The following DHX9 variants were observed in gnomAD, a reference collection of about 807,000 sequenced individuals.
DHX9 encodes the protein DExH-box helicase 9, also known as ATP-dependent RNA helicase A.
DHX9 carries 27 observed loss-of-function variants against 148.7 expected under a neutral mutation model. The observed-to-expected ratio is 0.18, with a 90% CI of 0.13 to 0.25. DHX9 has a LOEUF of 0.25. Among genes scored for constraint, DHX9 ranks in the 10% least tolerant of loss-of-function variants. The pLI is 1.00. For synonymous variants in DHX9, 529 were observed against 516.6 expected (o/e 1.02, Z -0.33); for missense variants, 796 against 1,559.6 (o/e 0.51, Z 8.25).
intron 3 of DHX9, 97 bp from the exon 4 acceptor site, chr1:182,852,136 G>T: frequency 1.5e-6 from 1 of 654,666 alleles, no homozygotes; most frequent in South Asian, 2.1e-5. Context: ...ACAAAGAAAG[G>T]AGGTATGACA....
chr1:182,857,339 C>A (rs565226560), intron 7 of DHX9, among the ~76,000 whole-genome samples: 1 of 152,222 alleles, frequency 6.6e-6, no homozygotes, highest in Non-Finnish European at 1.5e-5. Context: ...ATGAATGATA[C>A]AGGAGGAGAG....
chr1:182,884,992 T>C (rs1649260284), intron 27 of DHX9, among the ~76,000 whole-genome samples, 179 bp downstream of exon 27: 3 of 152,204 alleles, frequency 2.0e-5, no homozygotes, highest in Non-Finnish European at 4.4e-5. Context: ...ACAAAGAATG[T>C]CATTTACTTT....
chr1:182,861,797 G>A (rs1039326680), intron 12 of DHX9, among the ~76,000 whole-genome samples: 13 of 152,300 alleles, frequency 8.5e-5, no homozygotes, highest in Admixed American at 8.5e-4. Flanking sequence ...TGGCTTGCAT[G>A]TTTTTGTCCT....
chr1:182,867,584 G>A (rs1433322135), intron 14 of DHX9, among the ~76,000 whole-genome samples: 2 of 152,104 alleles, frequency 1.3e-5, no homozygotes, highest in East Asian at 1.9e-4. Flanking sequence ...TGTATTTTCA[G>A]TAAAGACTGG....
chr1:182,868,869 G>C (rs1648419135), intron 14 of DHX9, among the ~76,000 whole-genome samples: 1 of 152,086 alleles, frequency 6.6e-6, no homozygotes, highest in Admixed American at 6.5e-5. Flanking sequence ...AAATAAGACT[G>C]GTTTGGATGG....
intron 19 of DHX9, chr1:182,877,525 G>C (rs1229562862): frequency 6.5e-6 from 1 of 154,382 alleles, no homozygotes; most frequent in African/African-American, 2.4e-5. Context: ...ATAGCATTCT[G>C]TGCCAATCCC....
intron 14 of DHX9, among the ~76,000 whole-genome samples, chr1:182,870,161 AAAAT>A (rs1347678929): frequency 6.6e-6 from 1 of 152,252 alleles, no homozygotes; most frequent in Non-Finnish European, 1.5e-5. Context: ...CTCTCCAAGA[AAAAT>A]AAGTTTTATC....
At chr1:182,878,343 A>G (rs1477933431) in intron 20 of DHX9, among the ~76,000 whole-genome samples, 170 bp downstream of exon 20, 3 of 152,246 alleles carry the variant, frequency 2.0e-5, no homozygotes, top group Non-Finnish European at 4.4e-5. Flanking sequence ...CATTTAGAGA[A>G]TAAGCCAGAT....
chr1:182,878,888 TAGTATG>T lies in DHX9; in HGVS notation c.2352-358_2352-353del, dbSNP rs549830418. ...AAGGTGGGAGGTTGTAGAGAAATGT[TAGTATG>T]AGTTATCATCCTACAAAAAGTCTTG... On this transcript the variant is annotated intron_variant, in intron 20 of 27. Transcript: ENST00000367549. Among the ~76,000 whole-genome samples the T allele has an allele frequency of 1.8e-4, 28 of 152,382 alleles. 2 individuals carry two copies. Among genetic ancestry groups the T allele is most frequent in the African/African-American group, 6.3e-4 (26 of 41,600 alleles).
chr1:182,853,792 C>T (rs1668204560), intron 5 of DHX9, among the ~76,000 whole-genome samples: 1 of 149,934 alleles, frequency 6.7e-6, no homozygotes, highest in African/African-American at 2.5e-5. Context: ...AAGAAGTTGT[C>T]ATTTTTTTTT....
intron 21 of DHX9, among the ~76,000 whole-genome samples, chr1:182,879,870 C>CAT (rs1649010144): frequency 6.6e-6 from 1 of 152,100 alleles, no homozygotes; most frequent in South Asian, 2.1e-4. Context: ...AGACTACAGG[C>CAT]ATACACCACC....
chr1:182,848,860 G>A (rs2102592000), intron 3 of DHX9, among the ~76,000 whole-genome samples: 1 of 152,330 alleles, frequency 6.6e-6, no homozygotes, highest in South Asian at 2.1e-4. Flanking sequence ...GCAGGAGCAA[G>A]AGAAAGTAAA....
chr1:182,876,548 A>G lies in DHX9; in HGVS notation c.2124+7A>G. On this transcript the variant is annotated splice_region_variant and intron_variant, in intron 18 of 27. Transcript: ENST00000367549. Reference sequence around the variant, plus strand: ...ACCAGTTGGAGTAACCAAGGTAAATATTAAACATTAGAGTGATGGGATTGG... The same window carrying G: ...ACCAGTTGGAGTAACCAAGGTAAATGTTAAACATTAGAGTGATGGGATTGG... 3 of 1,605,930 alleles carry G rather than the reference A, an allele frequency of 1.9e-6. No homozygotes were observed. Among genetic ancestry groups the G allele is most frequent in the South Asian group, 1.1e-5 (1 of 90,834 alleles).
At chr1:182,880,120 T>C (rs975292585) in intron 21 of DHX9, among the ~76,000 whole-genome samples, 4 of 152,336 alleles carry the variant, frequency 2.6e-5, no homozygotes, top group Admixed American at 2.6e-4. Flanking sequence ...ATCTAGCATT[T>C]ATCTACTATG....
intron 3 of DHX9, among the ~76,000 whole-genome samples, chr1:182,851,803 A>C (rs1668155661): frequency 6.6e-6 from 1 of 152,228 alleles, no homozygotes; most frequent in Admixed American, 6.5e-5. Context: ...GATCATCTTA[A>C]TAAAGGCTTT....
chr1:182,845,691 A>G (rs1013528527), intron 3 of DHX9, among the ~76,000 whole-genome samples: 4 of 152,214 alleles, frequency 2.6e-5, no homozygotes, highest in Non-Finnish European at 4.4e-5. Flanking sequence ...CTGGGCCTCT[A>G]GAACTTCTGA....
Position 182,879,364 on chromosome 1 carries a change from A to G in DHX9, c.2466A>G (p.Glu822=). 1 of 1,526,386 alleles carries G rather than the reference A, an allele frequency of 6.6e-7. No individual in the cohort carries two copies. The highest frequency in any genetic ancestry group is 1.3e-5 in the South Asian group (1 of 79,332). 94.6% of individuals were successfully genotyped at this position (1,526,386 alleles called of 1,614,324 possible). A position where few individuals can be genotyped will look rare whatever the true frequency, so the allele number is the denominator to read the frequency against. ...GCCAATTTCTGGCCAAAGCAATTGAACCTCCCCCTTTGGATGCTGTGATTG... is the reference window on the plus strand; with the variant it reads ...GCCAATTTCTGGCCAAAGCAATTGAGCCTCCCCCTTTGGATGCTGTGATTG... ...GIGQFLAKAI[E]PPPLDAVIEA... is the part of the protein sequence containing the mutation. The change falls in exon 21 of 28, where the codon GAA becomes GAG. Residue 822 remains glutamate (E), a synonymous_variant. Transcript: ENST00000367549.
chr1:182,856,617 A>T, intron 7 of DHX9, 39 bp downstream of exon 7: 1 of 1,582,750 alleles, frequency 6.3e-7, no homozygotes, highest in Admixed American at 1.7e-5. Flanking sequence ...AAGTCTCTGT[A>T]TAGAGAAGGA....
In DHX9 at chr1:182,852,386, T is replaced by C. The variant is rs566534188; in HGVS notation, c.364+42T>C. The C allele has an allele frequency of 4.3e-5, 58 of 1,358,932 alleles. No individual in the cohort carries two copies. The East Asian group carries it at 1.1e-3, about 25-fold the overall frequency. 84.2% of individuals were successfully genotyped at this position (1,358,932 alleles called of 1,614,324 possible). On this transcript the variant is annotated intron_variant, in intron 4 of 27. Coordinates refer to ENST00000367549, the MANE Select transcript of DHX9 (RefSeq NM_001357.5). Reference sequence around the variant, plus strand: ...CATGCACGTGGTGGAGAATAAGATATACACAATCTTGATCACCATCTCTGT... The same window carrying C: ...CATGCACGTGGTGGAGAATAAGATACACACAATCTTGATCACCATCTCTGT...
Sources: gnomAD v4.1 joint callset for allele counts (sites outside exome capture counted in the v4.1 genomes callset) on GRCh38, gnomAD v4.1.1 for gene constraint, MANE v1.5 for transcripts, NCBI Gene and HGNC (gene_info 2026-07-23, HGNC 2026-07-21) for gene names.